GMDS: variants seen among roughly 807,000 people sequenced by gnomAD.
GMDS encodes GDP-mannose 4,6 dehydratase.
Under a neutral mutation model 49.9 loss-of-function variants are expected in GMDS, and 20 were observed. That is an observed-to-expected ratio of 0.40 (90% CI 0.28 to 0.58). GMDS has a LOEUF of 0.58. GMDS is among the 20% of genes least tolerant of loss of function. The pLI, the probability that GMDS is intolerant of heterozygous loss-of-function variation, is 0.42. For missense variants in GMDS, 362 were observed against 481.4 expected (o/e 0.75, Z 2.32); for synonymous variants, 177 against 178.6 (o/e 0.99, Z 0.07).
At chr6:1,737,420 T>C (rs1767036740) in intron 8 of GMDS, among the ~76,000 whole-genome samples, 1 of 152,068 alleles carries the variant, frequency 6.6e-6, no homozygotes, top group Non-Finnish European at 1.5e-5. Flanking sequence ...ACATACTTAG[T>C]GGTAAGTTGA....
At chr6:1,644,964 C>G (rs1763442428) in intron 9 of GMDS, among the ~76,000 whole-genome samples, 1 of 144,206 alleles carries the variant, frequency 6.9e-6, no homozygotes, top group Admixed American at 7.1e-5. Context: ...GAGACGGAGT[C>G]TTGCTTTGTC....
At chr6:2,108,930 A>C (rs1405297767) in intron 4 of GMDS, among the ~76,000 whole-genome samples, 2 of 152,200 alleles carry the variant, frequency 1.3e-5, no homozygotes, top group Non-Finnish European at 2.9e-5. Context: ...TTATTAAAAA[A>C]CAAAGGATCC....
intron 7 of GMDS, among the ~76,000 whole-genome samples, chr6:1,759,305 A>T (rs985638262): frequency 6.6e-6 from 1 of 152,188 alleles, no homozygotes; most frequent in African/African-American, 2.4e-5. Context: ...GTTGTCATTC[A>T]ATTCCACAAA....
At chr6:2,074,916 G>A (rs563706583) in intron 4 of GMDS, among the ~76,000 whole-genome samples, 5 of 152,186 alleles carry the variant, frequency 3.3e-5, no homozygotes, top group South Asian at 4.2e-4. Flanking sequence ...TTTCCCTAAC[G>A]TATGCTCTTG....
chr6:1,840,966 A>G lies in GMDS; in HGVS notation c.771+89137T>C, dbSNP rs531353722. On this transcript the variant is annotated intron_variant, in intron 7 of 10. Transcript: ENST00000380815. ...CACTGTACACGTAATGCAAGTTACA[A>G]ACAAACAGGACAGACGGAAACTTAT... Among the ~76,000 whole-genome samples the G allele has an allele frequency of 2.7e-4, 41 of 152,328 alleles. No individual in the cohort carries two copies. In the South Asian group the frequency reaches 7.9e-3, roughly 29 times the overall value.
chr6:1,930,384 G>T, intron 6 of GMDS, 154 bp from the exon 7 acceptor site: 1 of 564,098 alleles, frequency 1.8e-6, no homozygotes, highest in Non-Finnish European at 3.1e-6. Flanking sequence ...AAAGAGAAAA[G>T]ATCATTAACT....
intron 9 of GMDS, among the ~76,000 whole-genome samples, chr6:1,704,733 G>C (rs1765670120): frequency 1.3e-5 from 2 of 152,150 alleles, no homozygotes; most frequent in African/African-American, 4.8e-5. Flanking sequence ...TGTGTGAGAA[G>C]AGAAATACGT....
intron 1 of GMDS, among the ~76,000 whole-genome samples, chr6:2,165,810 C>T (rs1401644456): frequency 6.6e-5 from 10 of 151,954 alleles, no homozygotes; most frequent in African/African-American, 2.2e-4. Flanking sequence ...CATAATGCAA[C>T]AAGAGAACAC....
intron 9 of GMDS, among the ~76,000 whole-genome samples, chr6:1,680,897 A>C (rs1305149302): frequency 1.3e-5 from 2 of 152,234 alleles, no homozygotes; most frequent in Non-Finnish European, 2.9e-5. Context: ...GTTACCCTGG[A>C]TGATGTTTCC....
intron 4 of GMDS, among the ~76,000 whole-genome samples, chr6:1,974,345 CA>C (rs1418974348): frequency 6.6e-6 from 1 of 151,988 alleles, no homozygotes; most frequent in African/African-American, 2.4e-5. Context: ...GTGCCTTTAA[CA>C]AAATGGAGTA....
At chr6:2,057,197 C>T (rs1770828439) in intron 4 of GMDS, among the ~76,000 whole-genome samples, 1 of 152,176 alleles carries the variant, frequency 6.6e-6, no homozygotes, top group Non-Finnish European at 1.5e-5. Flanking sequence ...AACCACAGCA[C>T]ATGGCAAAAT....
intron 7 of GMDS, among the ~76,000 whole-genome samples, chr6:1,873,597 T>C (rs1758882814): frequency 1.3e-5 from 2 of 152,284 alleles, no homozygotes; most frequent in East Asian, 1.9e-4. Context: ...CTGAAGAAAC[T>C]AGCACTAAGA....
At chr6:1,859,709 T>A (rs1399497670) in intron 7 of GMDS, among the ~76,000 whole-genome samples, 1 of 152,156 alleles carries the variant, frequency 6.6e-6, no homozygotes, top group African/African-American at 2.4e-5. Context: ...GCCCTTCCAC[T>A]GAGTGAATGA....
intron 7 of GMDS, among the ~76,000 whole-genome samples, chr6:1,753,501 T>C (rs1767817601): frequency 1.3e-5 from 2 of 152,158 alleles, no homozygotes. Flanking sequence ...TTTACAAGGA[T>C]ATTGAGGACT....
chr6:2,135,637 T>C (rs115958075), intron 1 of GMDS, among the ~76,000 whole-genome samples: 99 of 150,730 alleles, frequency 6.6e-4, no homozygotes, highest in Non-Finnish European at 1.0e-3. Flanking sequence ...ATATTAGCAA[T>C]GACATTAATG....
intron 4 of GMDS, among the ~76,000 whole-genome samples, chr6:2,081,503 G>A (rs1772691547): frequency 6.6e-6 from 1 of 152,038 alleles, no homozygotes; most frequent in South Asian, 2.1e-4. Context: ...TTGTCCTAGA[G>A]CCCTTCCATC....
chr6:1,986,033 T>G (rs1765524432), intron 4 of GMDS, among the ~76,000 whole-genome samples: 1 of 152,204 alleles, frequency 6.6e-6, no homozygotes, highest in Non-Finnish European at 1.5e-5. Context: ...TTATGACCCT[T>G]TGAAAAATGG....
chr6:2,233,678 A>C (rs1196387), intron 1 of GMDS, among the ~76,000 whole-genome samples: 1 of 152,284 alleles, frequency 6.6e-6, no homozygotes, highest in African/African-American at 2.4e-5. Flanking sequence ...AAATTAGCCA[A>C]GCATGGTGGC....
At chr6:1,949,475 T>C (rs1248048325) in intron 6 of GMDS, among the ~76,000 whole-genome samples, 1 of 152,222 alleles carries the variant, frequency 6.6e-6, no homozygotes, top group East Asian at 1.9e-4. Context: ...AACAACCCCT[T>C]GAATTCAATT....
Sources: gnomAD v4.1 joint callset for allele counts (sites outside exome capture counted in the v4.1 genomes callset) on GRCh38, gnomAD v4.1.1 for gene constraint, MANE v1.5 for transcripts, NCBI Gene and HGNC (gene_info 2026-07-23, HGNC 2026-07-21) for gene names.